The following ZIM2 variants were observed in gnomAD, a reference collection of about 807,000 sequenced individuals.
The protein encoded by ZIM2 is zinc finger imprinted 2, also known as zinc finger protein 656.
In ZIM2, 14 loss-of-function variants were observed where a neutral mutation model predicts 38.6. The observed-to-expected ratio is 0.36, with a 90% confidence interval of 0.24 to 0.57. The LOEUF is 0.57. Ranked by LOEUF, ZIM2 falls within the 20% of genes least tolerant of loss-of-function variation. ZIM2 has a pLI of 0.81. For missense variants in ZIM2, 680 were observed against 695.1 expected, an observed-to-expected ratio of 0.98 and a Z score of 0.24; for synonymous variants, 247 against 245.8, an observed-to-expected ratio of 1.00 and a Z score of -0.04.
At chr19:56,803,685 G>A (rs1038655537) in intron 9 of ZIM2, among the ~76,000 whole-genome samples, 2 of 152,188 alleles carry the variant, frequency 1.3e-5, no homozygotes, top group Non-Finnish European at 2.9e-5. Flanking sequence ...GCAATAGTCC[G>A]TTGCTGAAGC....
intron 8 of ZIM2, among the ~76,000 whole-genome samples, chr19:56,818,291 C>T (rs2060168223): frequency 6.6e-6 from 1 of 152,080 alleles, no homozygotes; most frequent in African/African-American, 2.4e-5. Context: ...ACTCAGGATC[C>T]CATCCTGAAT....
At chr19:56,799,248 C>T (rs1259759213) in intron 9 of ZIM2, 1 of 151,770 alleles carries the variant, frequency 6.6e-6, no homozygotes, top group Non-Finnish European at 1.5e-5. Flanking sequence ...TACGTATACA[C>T]CAAGGAATAC....
At position 56,774,904 on chromosome 19, in the gene ZIM2, C is replaced by T. The variant is rs1312014048; in HGVS notation, c.1461G>A (p.Arg487=). Residue 487 remains arginine (R), a synonymous_variant, in exon 13 of 13, where the codon CGG becomes CGA. Coordinates refer to ENST00000629319, the MANE Select transcript of ZIM2 (RefSeq NM_001387356.1). The stretch of plus-strand genomic sequence containing the variant: ...CTCTCTCTCCAACGTAGTCATGTTT[C>T]CGCTGATAACGAATTAAGTATGTCT... ...HSKTYLIRYQ[R]KHDYVGERAC... The T allele has an allele frequency of 3.1e-6, 5 of 1,614,162 alleles. No homozygotes were observed. The highest frequency in any genetic ancestry group is 4.2e-6 in the Non-Finnish European group (5 of 1,180,038).
At chr19:56,780,388 G>A (rs903327519) in intron 11 of ZIM2, among the ~76,000 whole-genome samples, 1 of 151,480 alleles carries the variant, frequency 6.6e-6, no homozygotes, top group Non-Finnish European at 1.5e-5. Context: ...GAATACAGGC[G>A]CCCGCCACCA....
At chr19:56,835,693 A>G (rs919624459) in intron 2 of ZIM2, among the ~76,000 whole-genome samples, 1 of 152,268 alleles carries the variant, frequency 6.6e-6, no homozygotes, top group Non-Finnish European at 1.5e-5. Context: ...TACCTGGCAC[A>G]AAGTACACAC....
At chr19:56,815,722 C>G in intron 9 of ZIM2, 1 of 1,614,188 alleles carries the variant, frequency 6.2e-7, no homozygotes, top group Non-Finnish European at 8.5e-7. Context: ...TCCAGGAACA[C>G]TTTTCTGAGG....
chr19:56,809,800 C>T (rs560034780), intron 9 of ZIM2, among the ~76,000 whole-genome samples: 125 of 152,178 alleles, frequency 8.2e-4, no homozygotes, highest in African/African-American at 2.9e-3. Flanking sequence ...TAAAAATGCC[C>T]ACTCAAGTAA....
At chr19:56,812,343 G>C in intron 9 of ZIM2, 1 of 982,428 alleles carries the variant, frequency 1.0e-6, no homozygotes, top group East Asian at 1.1e-4. Context: ...GAAAAAGAAG[G>C]AACAGATGTT....
At chr19:56,776,087 T>G (rs1209494625) in intron 12 of ZIM2, among the ~76,000 whole-genome samples, 1 of 117,464 alleles carries the variant, frequency 8.5e-6, no homozygotes, top group Admixed American at 1.1e-4. Flanking sequence ...GATGACAGAG[T>G]GAGACTCTGT....
chr19:56,831,890 T>A (rs1200711641), intron 2 of ZIM2, among the ~76,000 whole-genome samples: 1 of 152,254 alleles, frequency 6.6e-6, no homozygotes, highest in Non-Finnish European at 1.5e-5. Context: ...AGAATGAGAA[T>A]GTCCACACAA....
At chr19:56,806,805 G>A (rs960180690) in intron 9 of ZIM2, among the ~76,000 whole-genome samples, 6 of 152,106 alleles carry the variant, frequency 3.9e-5, no homozygotes, top group Non-Finnish European at 7.4e-5. Context: ...ATGTGCAAGG[G>A]AGCTACCTAG....
intron 9 of ZIM2, chr19:56,812,835 C>T: frequency 1.0e-6 from 1 of 976,124 alleles, no homozygotes; most frequent in Non-Finnish European, 1.2e-6. Flanking sequence ...AAAAAAAACC[C>T]AGAACACAAA....
chr19:56,794,117 G>A (rs914506033), intron 9 of ZIM2, among the ~76,000 whole-genome samples: 1 of 152,014 alleles, frequency 6.6e-6, no homozygotes, highest in Non-Finnish European at 1.5e-5. Flanking sequence ...AATATCAAGC[G>A]GAAAAAGGAA....
At chr19:56,788,208 T>C (rs1269496521) in intron 10 of ZIM2, among the ~76,000 whole-genome samples, 1 of 152,176 alleles carries the variant, frequency 6.6e-6, no homozygotes, top group Non-Finnish European at 1.5e-5. Context: ...AGGGTGTCAA[T>C]TTTAGATCTT....
chr19:56,812,772 T>C (rs2059623039), intron 9 of ZIM2: 1 of 984,866 alleles, frequency 1.0e-6, no homozygotes, highest in African/African-American at 1.8e-5. Context: ...AGGGAAAAGC[T>C]TCGGGTTTTA....
In ZIM2 at chr19:56,795,809, C is replaced by G. The variant is rs1298313543; in HGVS notation, c.491-5858G>C. Among the ~76,000 whole-genome samples, 5 of 151,986 alleles carry G rather than the reference C, an allele frequency of 3.3e-5. 1 individual carries two copies. Among genetic ancestry groups the G allele is most frequent in the Non-Finnish European group, 7.4e-5 (5 of 67,970 alleles). Reference sequence around the variant, plus strand: ...TGAGCCGAGATCGCGCCACTGCACTCCAGCCTGGGCGACAGAGCGAGACTC... The same window carrying G: ...TGAGCCGAGATCGCGCCACTGCACTGCAGCCTGGGCGACAGAGCGAGACTC... On this transcript the variant is annotated intron_variant, in intron 9 of 12. Transcript: ENST00000629319.
intron 2 of ZIM2, among the ~76,000 whole-genome samples, chr19:56,827,169 G>C (rs1282995447): frequency 1.3e-5 from 2 of 152,210 alleles, no homozygotes; most frequent in Admixed American, 6.5e-5. Flanking sequence ...ACAGAAAAGA[G>C]ATGGAGGACT....
intron 10 of ZIM2, 142 bp from the exon 11 acceptor site, chr19:56,782,263 G>T: frequency 8.8e-7 from 1 of 1,138,432 alleles, no homozygotes; most frequent in Non-Finnish European, 1.2e-6. Flanking sequence ...TATCGAGTCT[G>T]AGAGAAGTGG....
intron 10 of ZIM2, chr19:56,782,616 A>C (rs1056307755): frequency 2.9e-6 from 1 of 344,450 alleles, no homozygotes; most frequent in African/African-American, 2.1e-5. Flanking sequence ...AAAATTAAGA[A>C]GTGGGACAAT....
Sources: allele counts gnomAD v4.1 joint callset (sites outside exome capture counted in the v4.1 genomes callset), GRCh38; gene constraint gnomAD v4.1.1; transcripts MANE v1.5; gene names NCBI Gene and HGNC (gene_info 2026-07-23, HGNC 2026-07-21).